Variants in PCDHA1 observed in about 807,000 individuals in gnomAD.
PCDHA1 encodes the protein protocadherin alpha 1.
Under a neutral mutation model 61.3 loss-of-function variants are expected in PCDHA1, and 42 were observed. That is an observed-to-expected ratio of 0.69 (90% CI 0.54 to 0.89). The LOEUF (loss-of-function observed/expected upper bound fraction) is 0.89. Ranked by LOEUF, PCDHA1 falls within the 40% of genes least tolerant of loss-of-function variation. The pLI is 0.00. For missense variants in PCDHA1, 1,256 were observed against 1,235.3 expected, an observed-to-expected ratio of 1.02 and a Z score of -0.25; for synonymous variants, 610 against 553.8, an observed-to-expected ratio of 1.10 and a Z score of -1.43.
At chr5:140,812,224 A>C (rs1329241835) in intron 1 of PCDHA1, 1 of 151,604 alleles carries the variant, frequency 6.6e-6, no homozygotes, top group Non-Finnish European at 1.5e-5. Context: ...TAGATTTTTT[A>C]TGATTATGTC....
Position 140,870,991 on chromosome 5 carries a change from A to G in PCDHA1, c.2394+82307A>G, listed in dbSNP as rs782466247. On this transcript the variant is annotated intron_variant, in intron 1 of 3. Coordinates refer to ENST00000504120, the MANE Select transcript of PCDHA1 (RefSeq NM_018900.4). ...CCGCGTGGGGCTGTACACGGGCGAGATAAGCACAACGCGTGCCCTGGACGA... is the reference window on the plus strand; with the variant it reads ...CCGCGTGGGGCTGTACACGGGCGAGGTAAGCACAACGCGTGCCCTGGACGA... 10 of 1,613,364 alleles carry G rather than the reference A, an allele frequency of 6.2e-6. No individual in the cohort carries two copies. The East Asian group carries it at 1.1e-4, about 18-fold the overall frequency.
rs2150125115 is a variant in PCDHA1 at position 140,823,375 on chromosome 5, G to A, written c.2394+34691G>A. 6 of 1,612,690 alleles carry A rather than the reference G, an allele frequency of 3.7e-6. No homozygotes were observed. The East Asian group carries it at 8.9e-5, about 24-fold the overall frequency. On this transcript the variant is annotated intron_variant, in intron 1 of 3. Coordinates refer to ENST00000504120, the MANE Select transcript of PCDHA1 (RefSeq NM_018900.4). The stretch of plus-strand genomic sequence containing the variant: ...GGAAGTGGAGCTGCTGCAGTTCCAG[G>A]TGAGCGCGCGCGACGCGGGCGTGCC...
intron 1 of PCDHA1, chr5:140,856,278 A>G (rs1428005980): frequency 4.4e-6 from 7 of 1,598,190 alleles, no homozygotes; most frequent in Non-Finnish European, 6.0e-6. Context: ...CTGGAGGTAA[A>G]TCTGCAGAAT....
chr5:140,928,132 C>T (rs1563101702), intron 1 of PCDHA1: 1 of 1,614,100 alleles, frequency 6.2e-7, no homozygotes, highest in Non-Finnish European at 8.5e-7. Flanking sequence ...ATACCAAGTC[C>T]TGATCACGGC....
chr5:140,962,516 A>C (rs1554226093), intron 1 of PCDHA1, among the ~76,000 whole-genome samples: 1 of 152,208 alleles, frequency 6.6e-6, no homozygotes, highest in Non-Finnish European at 1.5e-5. Flanking sequence ...ACTATCAATA[A>C]TATATTAGTT....
intron 1 of PCDHA1, chr5:140,857,941 T>C (rs1294613928): frequency 6.3e-7 from 1 of 1,597,330 alleles, no homozygotes; most frequent in Non-Finnish European, 8.6e-7. Flanking sequence ...GCGAGATCAG[T>C]ACGACGCGCG....
Position 140,788,219 on chromosome 5 carries a change from G to A in PCDHA1, c.1929G>A (p.Ser643=), listed in dbSNP as rs556156893. 1 of 1,614,028 alleles carries A rather than the reference G, an allele frequency of 6.2e-7. No individual in the cohort carries two copies. Among genetic ancestry groups the A allele is most frequent in the African/African-American group, 1.3e-5 (1 of 75,068 alleles). Residue 643 remains serine (S), a synonymous_variant, in exon 1 of 4, where the codon TCG becomes TCA. Transcript: ENST00000504120. The part of the protein sequence containing the change: ...TTRVLDEADL[S]RYRLLVLVKD... ...GTGTCCTGGACGAGGCTGACTTGTC[G>A]CGCTACCGCCTTCTGGTGCTAGTGA...
chr5:140,796,088 C>T (rs371276136), intron 1 of PCDHA1: 13 of 1,614,086 alleles, frequency 8.1e-6, no homozygotes, highest in African/African-American at 4.0e-5. Flanking sequence ...ATCACGGTGT[C>T]GGATCGCGAC....
Position 140,946,631 on chromosome 5 carries a change from T to TATATACAC in PCDHA1, c.2395-32317_2395-32316insTATACACA, listed in dbSNP as rs57893927. Among the ~76,000 whole-genome samples, 48 of 131,820 alleles carry TATATACAC rather than the reference T, an allele frequency of 3.6e-4. 1 individual carries two copies. Among genetic ancestry groups the TATATACAC allele is most frequent in the South Asian group, 8.9e-4 (4 of 4,516 alleles). The allele number at this position is 131,820 out of a possible 152,430, so 86.5% of individuals were successfully genotyped here. A position where few individuals can be genotyped will look rare whatever the true frequency, so the allele number is the denominator to read the frequency against. ...TGTGAAATATATATATATATATATA[T>TATATACAC]ACAATGGAATACTCATCAGCCATTA... is the stretch of plus-strand genomic sequence containing the variant. On this transcript the variant is annotated intron_variant, in intron 1 of 3. Coordinates refer to ENST00000504120, the MANE Select transcript of PCDHA1 (RefSeq NM_018900.4).
rs372608018 is a variant in PCDHA1, at chr5:140,875,736, T to C, written c.2394+87052T>C. The C allele has an allele frequency of 2.5e-6, 4 of 1,614,088 alleles. No homozygotes were observed. The African/African-American group carries it at 4.0e-5, about 16-fold the overall frequency. ...AGAATGGCATTTTGTTTGTGAATTCTCGGATCGACCGCGAGAAGCTGTGCG... is the reference window on the plus strand; with the variant it reads ...AGAATGGCATTTTGTTTGTGAATTCCCGGATCGACCGCGAGAAGCTGTGCG... On this transcript the variant is annotated intron_variant, in intron 1 of 3. Transcript: ENST00000504120.
chr5:140,963,233 G>C (rs151988), intron 1 of PCDHA1, among the ~76,000 whole-genome samples: 50,230 of 151,972 alleles, frequency 0.33, 8,535 homozygotes, highest in East Asian at 0.53. Context: ...GACACTGTTT[G>C]ATGGATTAGG....
intron 1 of PCDHA1, chr5:140,796,707 G>A (rs1554120060): frequency 6.2e-7 from 1 of 1,614,008 alleles, no homozygotes; most frequent in Non-Finnish European, 8.5e-7. Context: ...GTGAGCTGGT[G>A]CCGTGGTCGG....
Position 140,808,446 on chromosome 5 carries a change from C to A in PCDHA1, c.2394+19762C>A, listed in dbSNP as rs782693036. ...GCCCTGGACCGCGAGAGCGTGTCAG[C>A]CTATGAGCTGGTGGTGACCGCGCGA... On this transcript the variant is annotated intron_variant, in intron 1 of 3. Coordinates refer to ENST00000504120, the MANE Select transcript of PCDHA1 (RefSeq NM_018900.4). The A allele has an allele frequency of 2.2e-5, 36 of 1,614,080 alleles. No individual in the cohort carries two copies. The highest frequency in any genetic ancestry group is 4.2e-6 in the Non-Finnish European group (5 of 1,180,060).
chr5:140,918,579 G>A (rs1396239560), intron 1 of PCDHA1, among the ~76,000 whole-genome samples: 1 of 152,112 alleles, frequency 6.6e-6, no homozygotes, highest in Admixed American at 6.5e-5. Flanking sequence ...GCTGCTATTG[G>A]CTATATGTTC....
chr5:140,828,801 A>G lies in PCDHA1; in HGVS notation c.2394+40117A>G, dbSNP rs147769613. On this transcript the variant is annotated intron_variant, in intron 1 of 3. Transcript: ENST00000504120. ...CTGGTCACAGTGCTGGATGTGAATG[A>G]TAATGCTCCCACTTTCGAACAGTCT... 2.8e-4 allele frequency: 458 copies of G among 1,614,124 alleles called. No homozygotes were observed. Among genetic ancestry groups the G allele is most frequent in the Non-Finnish European group, 3.7e-4 (435 of 1,180,046 alleles).
At chr5:140,815,841 T>C (rs2126667255) in intron 1 of PCDHA1, 2 of 152,220 alleles carry the variant, frequency 1.3e-5, no homozygotes, top group African/African-American at 4.8e-5. Context: ...AGACAAACTT[T>C]GGTGGATTTG....
intron 1 of PCDHA1, among the ~76,000 whole-genome samples, chr5:140,914,820 C>T (rs1277610128): frequency 6.6e-6 from 1 of 151,970 alleles, no homozygotes; most frequent in African/African-American, 2.4e-5. Flanking sequence ...TAACAGACTG[C>T]ATAAACAAAA....
chr5:140,855,175 T>C (rs1554147660), intron 1 of PCDHA1, among the ~76,000 whole-genome samples: 1 of 149,898 alleles, frequency 6.7e-6, no homozygotes, highest in African/African-American at 2.4e-5. Context: ...TGAAAACAAA[T>C]GTGGCCAAAT....
At chr5:140,797,142 AC>A (rs782705532) in intron 1 of PCDHA1, 1 of 1,613,904 alleles carries the variant, frequency 6.2e-7, no homozygotes, top group South Asian at 1.1e-5. Flanking sequence ...GCTCGGTGCC[AC>A]CCACCGAGGG....
Sources: gnomAD v4.1 joint callset for allele counts (sites outside exome capture counted in the v4.1 genomes callset) on GRCh38, gnomAD v4.1.1 for gene constraint, MANE v1.5 for transcripts, NCBI Gene and HGNC (gene_info 2026-07-23, HGNC 2026-07-21) for gene names.